Variants in ATF6 observed in about 807,000 individuals in gnomAD.
ATF6 encodes cyclic AMP-dependent transcription factor ATF-6 alpha.
In ATF6, 53 loss-of-function variants were observed where a neutral mutation model predicts 83.6. The ratio of observed to expected loss-of-function variants is 0.63; its 90% confidence interval spans 0.51 to 0.80. The LOEUF (loss-of-function observed/expected upper bound fraction) is 0.80, where lower values mean the gene tolerates loss of function less well. ATF6 is among the 30% of genes least tolerant of loss of function. The pLI is 0.00. For missense variants in ATF6, 744 were observed against 797.9 expected (o/e 0.93, Z 0.81); for synonymous variants, 288 against 285.8 (o/e 1.01, Z -0.08).
intron 15 of ATF6, among the ~76,000 whole-genome samples, chr1:161,941,910 CA>C (rs1195783216): frequency 1.3e-5 from 2 of 152,064 alleles, no homozygotes; most frequent in Non-Finnish European, 2.9e-5. Context: ...CATTCTCATC[CA>C]CTGTCTTCTT....
chr1:161,945,737 A>G (rs1010413346), intron 15 of ATF6, among the ~76,000 whole-genome samples: 5 of 152,132 alleles, frequency 3.3e-5, no homozygotes, highest in Admixed American at 1.3e-4. Flanking sequence ...TTCCATATGT[A>G]TTTTACCTAC....
At chr1:161,825,036 A>G (rs187655034) in intron 9 of ATF6, among the ~76,000 whole-genome samples, 8 of 152,362 alleles carry the variant, frequency 5.3e-5, no homozygotes, top group Admixed American at 5.2e-4. Context: ...CACCAACTGG[A>G]TGTCCTACAA....
intron 15 of ATF6, among the ~76,000 whole-genome samples, chr1:161,938,523 C>T (rs1161605970): frequency 6.6e-6 from 1 of 152,144 alleles, no homozygotes; most frequent in Non-Finnish European, 1.5e-5. Flanking sequence ...GAAAAGTTCA[C>T]CAAAGATTTT....
chr1:161,857,817 G>A (rs184295122), intron 12 of ATF6, among the ~76,000 whole-genome samples: 58 of 152,238 alleles, frequency 3.8e-4, no homozygotes, highest in South Asian at 2.9e-3. Flanking sequence ...GAACACAAGG[G>A]GGGGAGGGAT....
intron 7 of ATF6, among the ~76,000 whole-genome samples, chr1:161,817,606 G>C (rs1406177500): frequency 2.0e-5 from 3 of 151,986 alleles, no homozygotes; most frequent in Admixed American, 6.6e-5. Flanking sequence ...TACAGATGAT[G>C]GTTTCACAAA....
In ATF6 at chr1:161,871,386, G is replaced by A. The variant is rs1687120996; in HGVS notation, c.1719+8074G>A. On this transcript the variant is annotated intron_variant, in intron 14 of 15. Coordinates refer to ENST00000367942, the MANE Select transcript of ATF6 (RefSeq NM_007348.4). The stretch of plus-strand genomic sequence containing the variant: ...GAGGAGCAGAAAAAATAACTATTGA[G>A]TAACCAGGCTTACTATCTGGGTGAC... 1.3e-5 allele frequency among the ~76,000 whole-genome samples: 2 copies of A among 151,434 alleles called. 1 individual carries two copies. Among genetic ancestry groups the A allele is most frequent in the South Asian group, 4.2e-4 (2 of 4,816 alleles).
chr1:161,945,946 C>T (rs974390292), intron 15 of ATF6, among the ~76,000 whole-genome samples: 6 of 152,136 alleles, frequency 3.9e-5, no homozygotes, highest in African/African-American at 1.4e-4. Context: ...TGCTTAAGTA[C>T]TTACGTAAGA....
intron 15 of ATF6, 43 bp downstream of exon 15, chr1:161,912,423 G>A: frequency 7.3e-7 from 1 of 1,368,444 alleles, no homozygotes; most frequent in South Asian, 1.3e-5. Flanking sequence ...AGATTTCTTT[G>A]TTTAACCAGG....
At chr1:161,941,631 A>G (rs1688643462) in intron 15 of ATF6, among the ~76,000 whole-genome samples, 1 of 152,168 alleles carries the variant, frequency 6.6e-6, no homozygotes, top group African/African-American at 2.4e-5. Flanking sequence ...TGGCGATTCT[A>G]GTTGTTTTTA....
chr1:161,869,646 C>T (rs1687080803), intron 14 of ATF6, among the ~76,000 whole-genome samples: 1 of 151,752 alleles, frequency 6.6e-6, no homozygotes, highest in South Asian at 2.1e-4. Flanking sequence ...TAATTTTTAG[C>T]TTTAAAATAT....
intron 6 of ATF6, among the ~76,000 whole-genome samples, chr1:161,796,549 T>C (rs540522010): frequency 7.2e-5 from 11 of 152,356 alleles, no homozygotes; most frequent in Admixed American, 1.3e-4. Context: ...GTAGACCAAA[T>C]AATTTATTTC....
chr1:161,853,810 T>C (rs559027534), intron 12 of ATF6, among the ~76,000 whole-genome samples: 1 of 152,304 alleles, frequency 6.6e-6, no homozygotes, highest in East Asian at 1.9e-4. Flanking sequence ...TCCATCTCAA[T>C]GTTGTTTGCC....
At chr1:161,837,313 G>A (rs563479490) in intron 9 of ATF6, among the ~76,000 whole-genome samples, 2 of 152,242 alleles carry the variant, frequency 1.3e-5, no homozygotes, top group South Asian at 4.1e-4. Context: ...ACATTAGTGA[G>A]CATTTGAAAC....
At chr1:161,852,105 T>TAG (rs1278706465) in intron 11 of ATF6, among the ~76,000 whole-genome samples, 2 of 152,358 alleles carry the variant, frequency 1.3e-5, no homozygotes, top group African/African-American at 4.8e-5. Context: ...GTGTTAGGCT[T>TAG]ACAGTTGGTA....
intron 15 of ATF6, among the ~76,000 whole-genome samples, chr1:161,916,900 T>G (rs2101892135): frequency 6.6e-6 from 1 of 152,334 alleles, no homozygotes; most frequent in East Asian, 1.9e-4. Context: ...TTCCAGTCGT[T>G]CCCCTCCTGT....
chr1:161,793,909 T>C lies in ATF6; in HGVS notation c.688+1582T>C, dbSNP rs1318984216. Among the ~76,000 whole-genome samples the C allele has an allele frequency of 3.3e-5, 5 of 151,628 alleles. No homozygotes were observed. The East Asian group carries it at 9.6e-4, about 29-fold the overall frequency. On this transcript the variant is annotated intron_variant, in intron 6 of 15. Transcript: ENST00000367942. ...AATATGAGGAACTGCACCTTGCCTG[T>C]TTTTTTTCTTTTATTTGAGACAGAG...
Position 161,821,176 on chromosome 1 carries a change from A to G in ATF6, c.1187+15A>G. ...GGACCTATGAGGTAAGTGAATAGATATTTATTTTGGACACTAATGCTAAAA... is the reference window on the plus strand; with the variant it reads ...GGACCTATGAGGTAAGTGAATAGATGTTTATTTTGGACACTAATGCTAAAA... On this transcript the variant is annotated intron_variant, in intron 9 of 15. Transcript: ENST00000367942. 2 of 1,542,652 alleles carry G rather than the reference A, an allele frequency of 1.3e-6. No individual in the cohort carries two copies. Among genetic ancestry groups the G allele is most frequent in the Non-Finnish European group, 1.8e-6 (2 of 1,129,976 alleles).
chr1:161,807,819 C>G (rs1415113445), intron 7 of ATF6, among the ~76,000 whole-genome samples: 1 of 147,408 alleles, frequency 6.8e-6, no homozygotes, highest in East Asian at 2.0e-4. Flanking sequence ...TTGTGGCAAC[C>G]TCAGCATTCT....
Position 161,792,058 on chromosome 1 carries a change from A to G in ATF6, c.485-66A>G, listed in dbSNP as rs758755120. On this transcript the variant is annotated intron_variant, in intron 5 of 15. Coordinates refer to ENST00000367942, the MANE Select transcript of ATF6 (RefSeq NM_007348.4). Reference sequence around the variant, plus strand: ...TGTGTAGAGAAAGGTGTGTGATAGAATCTGTTTTTTAGGGCTTGCGTAATT... The same window carrying G: ...TGTGTAGAGAAAGGTGTGTGATAGAGTCTGTTTTTTAGGGCTTGCGTAATT... The G allele has an allele frequency of 3.3e-4, 438 of 1,332,038 alleles. 2 individuals are homozygous for G. The highest frequency in any genetic ancestry group is 4.4e-4 in the Non-Finnish European group (407 of 933,168). The allele number at this position is 1,332,038 out of a possible 1,614,324, so 82.5% of individuals were successfully genotyped here.
Sources: allele counts gnomAD v4.1 joint callset (sites outside exome capture counted in the v4.1 genomes callset), GRCh38; gene constraint gnomAD v4.1.1; transcripts MANE v1.5; gene names NCBI Gene and HGNC (gene_info 2026-07-23, HGNC 2026-07-21).